Variants in UNC79 observed in about 807,000 individuals in gnomAD.
The protein encoded by UNC79 is protein unc-79 homolog.
A neutral mutation model predicts 283.1 loss-of-function variants in UNC79; 37 were observed. The observed-to-expected ratio is 0.13, with a 90% CI of 0.10 to 0.17. The LOEUF (loss-of-function observed/expected upper bound fraction) is 0.17. UNC79 is among the 10% of genes least tolerant of loss of function. The pLI is 1.00. For missense variants in UNC79, 2,272 were observed against 3,211.1 expected (o/e 0.71, Z 7.07); for synonymous variants, 1,107 against 1,200.2 (o/e 0.92, Z 1.61).
At chr14:93,603,979 G>T (rs2065703484) in intron 26 of UNC79, among the ~76,000 whole-genome samples, 1 of 152,012 alleles carries the variant, frequency 6.6e-6, no homozygotes, top group African/African-American at 2.4e-5. Context: ...AAGCTTCATT[G>T]CCAATATTTT....
At chr14:93,398,952 A>C (rs898017981) in intron 1 of UNC79, among the ~76,000 whole-genome samples, 4 of 152,152 alleles carry the variant, frequency 2.6e-5, no homozygotes, top group Non-Finnish European at 5.9e-5. Context: ...ATACTACCTG[A>C]GACTGTGTAA....
At position 93,604,882 on chromosome 14, in the gene UNC79, T is replaced by C. The variant is rs767834587; in HGVS notation, c.3754+1464T>C. ...GTAATGCTTATTTAAATAGAGTTGTTGTTGATTTTTAAGCTATGAGGTTGA... is the reference window on the plus strand; with the variant it reads ...GTAATGCTTATTTAAATAGAGTTGTCGTTGATTTTTAAGCTATGAGGTTGA... On this transcript the variant is annotated intron_variant, in intron 26 of 48. Coordinates refer to ENST00000555664, the Ensembl canonical transcript of UNC79. The C allele has an allele frequency of 1.3e-6, 2 of 1,567,028 alleles. No homozygotes were observed. The highest frequency in any genetic ancestry group is 2.3e-5 in the East Asian group (1 of 43,900).
chr14:93,529,751 G>C (rs966858633), intron 10 of UNC79, among the ~76,000 whole-genome samples: 1 of 152,154 alleles, frequency 6.6e-6, no homozygotes, highest in Non-Finnish European at 1.5e-5. Flanking sequence ...CATGTTGTGG[G>C]GGGGAAATCA....
chr14:93,498,566 G>A (rs1053728579), intron 7 of UNC79, among the ~76,000 whole-genome samples: 24 of 152,158 alleles, frequency 1.6e-4, no homozygotes, highest in African/African-American at 5.8e-4. Context: ...ATTCCAGCCC[G>A]GGTGACAGAG....
chr14:93,359,216 A>G (rs1322148901), intron 1 of UNC79, among the ~76,000 whole-genome samples: 2 of 152,176 alleles, frequency 1.3e-5, no homozygotes, highest in South Asian at 2.1e-4. Flanking sequence ...TGAGCTGGAA[A>G]TGCCTGATCT....
chr14:93,698,580 G>T (rs964342539), intron 47 of UNC79, among the ~76,000 whole-genome samples: 1 of 136,940 alleles, frequency 7.3e-6, no homozygotes, highest in African/African-American at 2.7e-5. Context: ...CTGCCTCCCG[G>T]GTTCAAGCAA....
chr14:93,486,657 G>GAAAAA (rs1184362382), intron 4 of UNC79, among the ~76,000 whole-genome samples: 1 of 138,970 alleles, frequency 7.2e-6, no homozygotes, highest in African/African-American at 2.7e-5. Flanking sequence ...TCTGTCTAAG[G>GAAAAA]AAAAAAAAAA....
chr14:93,539,212 A>ATTTT (rs111725860), intron 12 of UNC79, among the ~76,000 whole-genome samples: 6 of 143,532 alleles, frequency 4.2e-5, no homozygotes, highest in Non-Finnish European at 7.6e-5. Flanking sequence ...TCCAGGCAAG[A>ATTTT]TTTTTTTTTT....
exon 24 of UNC79, chr14:93,597,481 C>T: frequency 6.2e-7 from 1 of 1,614,096 alleles, no homozygotes; most frequent in Non-Finnish European, 8.5e-7. Flanking sequence ...GGATGTCAAC[C>T]CCGCAGTGGC....
At chr14:93,464,750 T>A (rs2057096582) in intron 1 of UNC79, among the ~76,000 whole-genome samples, 1 of 152,100 alleles carries the variant, frequency 6.6e-6, no homozygotes, top group Admixed American at 6.5e-5. Context: ...TGGGCCCAAT[T>A]ATTCGAGCCT....
At position 93,385,042 on chromosome 14, in the gene UNC79, T is replaced by C. The variant is rs376442098; in HGVS notation, c.-351+51519T>C. Among the ~76,000 whole-genome samples, 55 of 152,358 alleles carry C rather than the reference T, an allele frequency of 3.6e-4. 1 individual carries two copies. In the South Asian group the frequency reaches 7.5e-3, roughly 21 times the overall value. Reference sequence around the variant, plus strand: ...CTCTCTTCTATTCCACTGGTCTACATGTCTCTTTTTATGCCAGTACCATGC... The same window carrying C: ...CTCTCTTCTATTCCACTGGTCTACACGTCTCTTTTTATGCCAGTACCATGC... On this transcript the variant is annotated intron_variant, in intron 1 of 49. Transcript: ENST00000256339.
chr14:93,532,586 C>T lies in UNC79; in HGVS notation c.1122+8C>T, dbSNP rs2060879298. On this transcript the variant is annotated splice_region_variant and intron_variant, in intron 11 of 48. Coordinates refer to ENST00000555664, the Ensembl canonical transcript of UNC79. Reference sequence around the variant, plus strand: ...GCTATATGTCAGAAAAAGGTAAGAGCAAACCATTTGTGTCGTTGGGGCATG... The same window carrying T: ...GCTATATGTCAGAAAAAGGTAAGAGTAAACCATTTGTGTCGTTGGGGCATG... 6.2e-7 allele frequency: 1 copy of T among 1,610,734 alleles called. No homozygotes were observed. Among genetic ancestry groups the T allele is most frequent in the African/African-American group, 1.3e-5 (1 of 75,020 alleles).
At chr14:93,565,389 C>T (rs942067) in intron 14 of UNC79, among the ~76,000 whole-genome samples, 131,417 of 152,150 alleles carry the variant, frequency 0.86, 56,853 homozygotes, top group East Asian at 0.94. Context: ...TAGGAATAGA[C>T]AAGGTGAGCT....
rs1370123088 is a variant in UNC79 at position 93,531,252 on chromosome 14, AC to A, written c.1094-1297del. Among the ~76,000 whole-genome samples the A allele has an allele frequency of 1.3e-5, 2 of 152,240 alleles. No individual in the cohort carries two copies. Among genetic ancestry groups the A allele is most frequent in the Non-Finnish European group, 2.9e-5 (2 of 68,040 alleles). On this transcript the variant is annotated intron_variant, in intron 10 of 48. Coordinates refer to ENST00000555664, the Ensembl canonical transcript of UNC79. The surrounding 1 kb of genome is among the most constrained non-coding windows in gnomAD (Gnocchi z 4.2). ...AAACTGTCAAGTAACCATTAATTAT[AC>A]AAAACCAGTTTTTAAACATGAGTTG... is the stretch of plus-strand genomic sequence containing the variant.
At chr14:93,428,996 GATA>G (rs762483322), upstream of UNC79, among the ~76,000 whole-genome samples, 3 of 152,160 alleles carry the variant, frequency 2.0e-5, no homozygotes, top group Non-Finnish European at 4.4e-5. Context: ...CAGATAAAGG[GATA>G]ATAGGTTTCC....
chr14:93,505,942 G>T lies in UNC79; in HGVS notation c.898+8656G>T, dbSNP rs192080987. On this transcript the variant is annotated intron_variant, in intron 7 of 48. Transcript: ENST00000555664. The stretch of plus-strand genomic sequence containing the variant: ...ATTTTAACTCCATTTACTCCCTCCT[G>T]ACTTCCATGCTATACTTTATTTTAT... Among the ~76,000 whole-genome samples the T allele has an allele frequency of 5.9e-5, 9 of 151,372 alleles. No homozygotes were observed. In the East Asian group the frequency reaches 1.5e-3, roughly 26 times the overall value.
intron 27 of UNC79, among the ~76,000 whole-genome samples, chr14:93,613,602 G>A (rs2066470534): frequency 6.6e-6 from 1 of 152,040 alleles, no homozygotes; most frequent in Non-Finnish European, 1.5e-5. Context: ...TTTTAGTAGA[G>A]ATGGGGTTTC....
intron 7 of UNC79, among the ~76,000 whole-genome samples, chr14:93,515,314 T>G (rs2060006239): frequency 6.6e-6 from 1 of 151,830 alleles, no homozygotes; most frequent in Non-Finnish European, 1.5e-5. Flanking sequence ...TTGATGATAT[T>G]CTCTTATCTT....
Position 93,593,808 on chromosome 14 carries a change from G to A in UNC79, c.3161G>A (p.Ser1054Asn). Residue 1054 changes from serine (S) to asparagine (N), a missense_variant, in exon 23 of 49, where the codon AGC (serine) becomes AAC (asparagine). By Grantham distance (46) the Ser-to-Asn change is conservative. Transcript: ENST00000555664. ...ACAATCATAAATGGCAATTTCAACA[G>A]CAAAGACTGGAAGATGAGGTTTGAA... 1 of 1,613,754 alleles carries A rather than the reference G, an allele frequency of 6.2e-7. No individual in the cohort carries two copies. Among genetic ancestry groups the A allele is most frequent in the East Asian group, 2.2e-5 (1 of 44,856 alleles).
Sources: gnomAD v4.1 joint callset for allele counts (sites outside exome capture counted in the v4.1 genomes callset) on GRCh38, gnomAD v4.1.1 for gene constraint, Gnocchi (gnomAD v3.1) non-coding constraint, MANE v1.5 for transcripts, NCBI Gene and HGNC (gene_info 2026-07-23, HGNC 2026-07-21) for gene names.